The following FARP1 variants were observed in gnomAD, a reference collection of about 807,000 sequenced individuals.
FARP1 encodes the protein FERM, ARH/RhoGEF and pleckstrin domain protein 1.
A neutral mutation model predicts 128.8 loss-of-function variants in FARP1; 52 were observed. The observed-to-expected ratio is 0.40, with a 90% CI of 0.32 to 0.51. FARP1 has a LOEUF of 0.51. FARP1 is among the 20% of genes least tolerant of loss of function. The pLI is 0.45. For synonymous variants in FARP1, 580 were observed against 551.8 expected (o/e 1.05, Z -0.72); for missense variants, 1,333 against 1,367.9 (o/e 0.97, Z 0.40).
intron 1 of FARP1, among the ~76,000 whole-genome samples, chr13:98,165,722 T>G (rs1195278234): frequency 9.6e-5 from 6 of 62,426 alleles, no homozygotes; most frequent in African/African-American, 1.7e-4. Context: ...TTTTTTTTTT[T>G]TTTTTTTTTT....
At chr13:98,352,220 G>A (rs995968633) in intron 3 of FARP1, among the ~76,000 whole-genome samples, 15 of 152,130 alleles carry the variant, frequency 9.9e-5, no homozygotes, top group African/African-American at 3.6e-4. Context: ...AGGCCTGCAC[G>A]CCATCGGTGT....
chr13:98,157,197 T>C (rs562086917), intron 1 of FARP1, among the ~76,000 whole-genome samples: 88 of 152,312 alleles, frequency 5.8e-4, no homozygotes, highest in Non-Finnish European at 1.1e-3. Flanking sequence ...GGTTTTAAAG[T>C]GATCATTGTG....
At chr13:98,238,372 T>C (rs1882560366) in intron 2 of FARP1, among the ~76,000 whole-genome samples, 1 of 152,216 alleles carries the variant, frequency 6.6e-6, no homozygotes, top group South Asian at 2.1e-4. Context: ...AACATTTTCT[T>C]GTCTGTAGCT....
intron 1 of FARP1, among the ~76,000 whole-genome samples, chr13:98,211,234 G>A (rs1163630352): frequency 6.6e-6 from 1 of 152,234 alleles, no homozygotes; most frequent in Non-Finnish European, 1.5e-5. Context: ...TTCAGGAACT[G>A]GGCCGCACAG....
At chr13:98,335,509 T>A (rs1262306283) in intron 2 of FARP1, among the ~76,000 whole-genome samples, 1 of 152,174 alleles carries the variant, frequency 6.6e-6, no homozygotes, top group Non-Finnish European at 1.5e-5. Flanking sequence ...CCACAACACA[T>A]GGGAATCTAC....
chr13:98,355,674 C>T (rs1888609637), intron 3 of FARP1, among the ~76,000 whole-genome samples: 1 of 152,172 alleles, frequency 6.6e-6, no homozygotes, highest in Non-Finnish European at 1.5e-5. Context: ...TGGTGAAAAA[C>T]ATATTTTTAA....
intron 2 of FARP1, among the ~76,000 whole-genome samples, chr13:98,304,234 G>C (rs980521836): frequency 4.6e-5 from 7 of 152,144 alleles, no homozygotes; most frequent in Admixed American, 1.3e-4. Context: ...GGAAGCCAGT[G>C]AAATTACTGG....
chr13:98,224,933 C>T (rs1881671621), intron 2 of FARP1, among the ~76,000 whole-genome samples: 1 of 152,214 alleles, frequency 6.6e-6, no homozygotes, highest in Admixed American at 6.5e-5. Flanking sequence ...CCGACTGATC[C>T]TTCATCCCTT....
At chr13:98,208,315 GAAAAA>G (rs547241664) in intron 1 of FARP1, among the ~76,000 whole-genome samples, 24 of 129,634 alleles carry the variant, frequency 1.9e-4, no homozygotes, top group Admixed American at 3.9e-4. Flanking sequence ...CTACTGGGGA[GAAAAA>G]AAAAAAAAAA....
intron 2 of FARP1, among the ~76,000 whole-genome samples, chr13:98,260,080 G>A (rs555282681): frequency 1.1e-4 from 16 of 152,100 alleles, no homozygotes; most frequent in Admixed American, 7.9e-4. Flanking sequence ...CTAGGTGGGC[G>A]GCCCATTTCA....
At position 98,440,539 on chromosome 13, in the gene FARP1, C is replaced by T. The variant is rs1447294380; in HGVS notation, c.2630-131C>T. The T allele has an allele frequency of 1.5e-5, 13 of 889,554 alleles. No individual in the cohort carries two copies. The East Asian group carries it at 3.4e-4, about 23-fold the overall frequency. 55.1% of individuals were successfully genotyped at this position (889,554 alleles called of 1,614,324 possible). A position where few individuals can be genotyped will look rare whatever the true frequency, so the allele number is the denominator to read the frequency against. On this transcript the variant is annotated intron_variant, in intron 23 of 26. Transcript: ENST00000319562. ...GGAGCTGCAGGGTCCATCGAGGCCT[C>T]ATTAGATTCTGGTTGGGCACCACAG... is the stretch of plus-strand genomic sequence containing the variant.
intron 2 of FARP1, among the ~76,000 whole-genome samples, chr13:98,245,458 GTACTT>G (rs1883002788): frequency 6.6e-6 from 1 of 152,150 alleles, no homozygotes; most frequent in South Asian, 2.1e-4. Flanking sequence ...TACGAAGTGA[GTACTT>G]TAATTGAAAC....
chr13:98,297,471 A>G (rs773990906), intron 2 of FARP1, among the ~76,000 whole-genome samples: 3 of 152,220 alleles, frequency 2.0e-5, no homozygotes, highest in Admixed American at 1.3e-4. Flanking sequence ...GGCTTTGTTC[A>G]TGCTATTTTG....
Position 98,390,252 on chromosome 13 carries a change from G to T in FARP1, c.1019+132G>T, listed in dbSNP as rs1180417429. The T allele has an allele frequency of 4.1e-6, 4 of 972,758 alleles. No individual in the cohort carries two copies. In the East Asian group the frequency reaches 9.7e-5, roughly 24 times the overall value. The allele number at this position is 972,758 out of a possible 1,614,324, so 60.3% of individuals were successfully genotyped here. A position where few individuals can be genotyped will look rare whatever the true frequency, so the allele number is the denominator to read the frequency against. Reference sequence around the variant, plus strand: ...CTCCAGGAGCTATGGCCAAGCGGGGGCGCTTGTATCTTAATCCCAGTGGGC... The same window carrying T: ...CTCCAGGAGCTATGGCCAAGCGGGGTCGCTTGTATCTTAATCCCAGTGGGC... On this transcript the variant is annotated intron_variant, in intron 10 of 26. Coordinates refer to ENST00000319562, the MANE Select transcript of FARP1 (RefSeq NM_005766.4).
At chr13:98,190,555 C>G (rs1879151382) in intron 1 of FARP1, among the ~76,000 whole-genome samples, 1 of 148,798 alleles carries the variant, frequency 6.7e-6, no homozygotes, top group Non-Finnish European at 1.5e-5. Flanking sequence ...GATGACATTT[C>G]ATTTACTTAT....
At chr13:98,186,937 A>G (rs944949026) in intron 1 of FARP1, among the ~76,000 whole-genome samples, 42 of 135,876 alleles carry the variant, frequency 3.1e-4, no homozygotes, top group African/African-American at 1.1e-3. Flanking sequence ...GGTTGCAGTG[A>G]GCCAAGATCG....
At chr13:98,321,568 G>C (rs143359594) in intron 2 of FARP1, among the ~76,000 whole-genome samples, 95 of 152,294 alleles carry the variant, frequency 6.2e-4, no homozygotes, top group Middle Eastern at 3.4e-3. Flanking sequence ...ATTCCAGGGG[G>C]ATGATGACCT....
intron 2 of FARP1, among the ~76,000 whole-genome samples, chr13:98,272,971 A>G (rs1689761429): frequency 6.6e-6 from 1 of 152,220 alleles, no homozygotes; most frequent in Non-Finnish European, 1.5e-5. Flanking sequence ...AAAGAGGTAT[A>G]TTCTGAGCGA....
chr13:98,288,889 G>A (rs1394471743), intron 2 of FARP1, among the ~76,000 whole-genome samples: 1 of 151,100 alleles, frequency 6.6e-6, no homozygotes, highest in Non-Finnish European at 1.5e-5. Context: ...TTTTTACCAA[G>A]CTCTCAAATG....
Sources: allele counts gnomAD v4.1 joint callset (sites outside exome capture counted in the v4.1 genomes callset), GRCh38; gene constraint gnomAD v4.1.1; transcripts MANE v1.5; gene names NCBI Gene and HGNC (gene_info 2026-07-23, HGNC 2026-07-21).